The following TMCO1 variants were observed in gnomAD, a reference collection of about 807,000 sequenced individuals.
TMCO1 encodes the protein calcium load-activated calcium channel.
TMCO1 carries 29 observed loss-of-function variants against 29.3 expected under a neutral mutation model. That is an observed-to-expected ratio of 0.99 (90% CI 0.74 to 1.35). The LOEUF (loss-of-function observed/expected upper bound fraction) is 1.35. TMCO1 is among the 40% of genes most tolerant of loss of function. TMCO1 has a pLI of 0.00. For synonymous variants in TMCO1, 80 were observed against 77.1 expected, an observed-to-expected ratio of 1.04 and a Z score of -0.20; for missense variants, 173 against 225.5, an observed-to-expected ratio of 0.77 and a Z score of 1.49.
At chr1:165,763,236 A>G (rs371831602) in intron 2 of TMCO1, among the ~76,000 whole-genome samples, 4 of 152,316 alleles carry the variant, frequency 2.6e-5, no homozygotes, top group East Asian at 1.9e-4. Context: ...GGAATTCTGT[A>G]TTTGCAATTA....
chr1:165,766,610 A>G (rs1299319027), intron 2 of TMCO1, among the ~76,000 whole-genome samples: 1 of 152,010 alleles, frequency 6.6e-6, no homozygotes, highest in African/African-American at 2.4e-5. Context: ...CAACAGAACA[A>G]GACCTCATCT....
At chr1:165,726,199 A>G, downstream of TMCO1, 1 of 699,300 alleles carries the variant, frequency 1.4e-6, no homozygotes, top group Non-Finnish European at 2.6e-6. Context: ...AGAGTGGTCA[A>G]TGATATGGAG....
intron 2 of TMCO1, among the ~76,000 whole-genome samples, chr1:165,759,796 A>G (rs1335178478): frequency 1.3e-5 from 2 of 152,242 alleles, no homozygotes; most frequent in Non-Finnish European, 1.5e-5. Flanking sequence ...AATTATAAGC[A>G]TCATTAATCA....
At chr1:165,743,334 G>T in intron 5 of TMCO1, 23 bp from the exon 6 acceptor site, 1 of 1,477,936 alleles carries the variant, frequency 6.8e-7, no homozygotes, top group South Asian at 1.2e-5. Flanking sequence ...AAAAAAAAAA[G>T]AATTGTTATC....
chr1:165,768,129 T>A, intron 2 of TMCO1, 63 bp downstream of exon 2: 1 of 1,339,522 alleles, frequency 7.5e-7, no homozygotes, highest in Non-Finnish European at 1.1e-6. Flanking sequence ...AAATATTTAT[T>A]GTGAACATGG....
chr1:165,747,488 A>G (rs1371649640), intron 5 of TMCO1, among the ~76,000 whole-genome samples: 1 of 152,210 alleles, frequency 6.6e-6, no homozygotes, highest in Non-Finnish European at 1.5e-5. Flanking sequence ...AATTTCAGAC[A>G]AAACTCAGAA....
intron 2 of TMCO1, among the ~76,000 whole-genome samples, chr1:165,766,207 G>A (rs1043962657): frequency 6.6e-6 from 1 of 152,204 alleles, no homozygotes; most frequent in African/African-American, 2.4e-5. Flanking sequence ...AGATAAAGAA[G>A]GCTACAAATG....
chr1:165,738,321 C>T (rs1237525124), intron 6 of TMCO1, among the ~76,000 whole-genome samples: 3 of 152,010 alleles, frequency 2.0e-5, no homozygotes, highest in Non-Finnish European at 4.4e-5. Flanking sequence ...ACAAAACAAC[C>T]GAAAAACCAG....
Position 165,726,882 on chromosome 1 carries a change from G to GA in TMCO1, c.*1140dup. 1 of 454,034 alleles carries GA rather than the reference G, an allele frequency of 2.2e-6. No homozygotes were observed. The highest frequency in any genetic ancestry group is 1.6e-5 in the South Asian group (1 of 64,458). 28.1% of individuals were successfully genotyped at this position (454,034 alleles called of 1,614,324 possible). ...TACTTATTTTCCTCAGCACTTTGAA[G>GA]ATACTTTTCTACTGTCTTCTGGACT... On this transcript the variant is annotated 3_prime_UTR_variant, in exon 7 of 7. Transcript: ENST00000367881.
chr1:165,735,032 G>A (rs1290535059), intron 6 of TMCO1, among the ~76,000 whole-genome samples: 3 of 152,138 alleles, frequency 2.0e-5, no homozygotes, highest in African/African-American at 7.2e-5. Context: ...CTAGAGTAAT[G>A]TCACTTCCTT....
intron 4 of TMCO1, among the ~76,000 whole-genome samples, chr1:165,753,661 A>G (rs1348994062): frequency 6.6e-6 from 1 of 151,856 alleles, no homozygotes; most frequent in Non-Finnish European, 1.5e-5. Context: ...AAAAAAATTA[A>G]AAATTAGCCG....
intron 4 of TMCO1, among the ~76,000 whole-genome samples, chr1:165,753,522 C>T (rs529793167): frequency 2.7e-5 from 4 of 148,488 alleles, no homozygotes; most frequent in East Asian, 2.0e-4. Context: ...CAGTGGCTCA[C>T]GCCTATAATC....
chr1:165,767,699 T>A (rs1167580438), intron 2 of TMCO1, among the ~76,000 whole-genome samples: 2 of 152,080 alleles, frequency 1.3e-5, no homozygotes, highest in East Asian at 3.8e-4. Context: ...CTTTTTTTTT[T>A]AAAGACAAGT....
At chr1:165,734,416 A>G (rs899432458) in intron 6 of TMCO1, among the ~76,000 whole-genome samples, 12 of 152,238 alleles carry the variant, frequency 7.9e-5, no homozygotes, top group Non-Finnish European at 1.6e-4. Context: ...GTTAGAAAAA[A>G]GAGGGTTGAC....
At chr1:165,754,188 A>G (rs546641777) in intron 4 of TMCO1, 40 bp downstream of exon 4, 1 of 1,552,770 alleles carries the variant, frequency 6.4e-7, no homozygotes, top group African/African-American at 1.4e-5. Flanking sequence ...TGCTAAAAAT[A>G]TTATGTGGTT....
chr1:165,751,055 A>C (rs58666827), intron 5 of TMCO1, among the ~76,000 whole-genome samples: 2,009 of 152,228 alleles, frequency 0.013, 54 homozygotes, highest in African/African-American at 0.047. Context: ...GGTGACAGAG[A>C]GAGACTCTGT....
intron 6 of TMCO1, among the ~76,000 whole-genome samples, chr1:165,735,117 G>A (rs372943716): frequency 5.9e-5 from 9 of 152,010 alleles, no homozygotes; most frequent in Non-Finnish European, 1.2e-4. Context: ...TTTCTGCTGC[G>A]GTCAGGAGAT....
intron 6 of TMCO1, among the ~76,000 whole-genome samples, chr1:165,730,040 G>A (rs1225610539): frequency 1.3e-5 from 2 of 152,042 alleles, no homozygotes; most frequent in Non-Finnish European, 2.9e-5. Flanking sequence ...TATTGAGGAC[G>A]GCCGGGCGCG....
chr1:165,737,229 T>C (rs1423048688), intron 6 of TMCO1, among the ~76,000 whole-genome samples: 1 of 152,102 alleles, frequency 6.6e-6, no homozygotes, highest in African/African-American at 2.4e-5. Flanking sequence ...CTGAAAAATA[T>C]TACCTAAAAT....
Sources: gnomAD v4.1 joint callset for allele counts (sites outside exome capture counted in the v4.1 genomes callset) on GRCh38, gnomAD v4.1.1 for gene constraint, MANE v1.5 for transcripts, NCBI Gene and HGNC (gene_info 2026-07-23, HGNC 2026-07-21) for gene names.